Variants in ROBO1 observed in about 807,000 individuals in gnomAD.
ROBO1 encodes roundabout guidance receptor 1.
A neutral mutation model predicts 195.9 loss-of-function variants in ROBO1; 149 were observed. The observed-to-expected ratio is 0.76, with a 90% CI of 0.67 to 0.87. ROBO1 has a LOEUF of 0.87. ROBO1 is among the 40% of genes least tolerant of loss of function. The pLI, the probability that ROBO1 is intolerant of heterozygous loss-of-function variation, is 0.00. For synonymous variants in ROBO1, 816 were observed against 733.2 expected (o/e 1.11, Z -1.82); for missense variants, 1,933 against 2,068.3 (o/e 0.93, Z 1.27).
intron 3 of ROBO1, among the ~76,000 whole-genome samples, chr3:78,977,128 G>A (rs773978018): frequency 1.3e-5 from 2 of 152,096 alleles, no homozygotes; most frequent in Non-Finnish European, 2.9e-5. Flanking sequence ...CATTTAAGCA[G>A]AATATTTCCA....
intron 1 of ROBO1, among the ~76,000 whole-genome samples, chr3:79,590,241 A>C (rs1560019672): frequency 6.6e-6 from 1 of 151,930 alleles, no homozygotes; most frequent in South Asian, 2.1e-4. Flanking sequence ...ATGCCAGATA[A>C]GTGATTTTTG....
chr3:79,359,429 T>A (rs1029687438), intron 2 of ROBO1, among the ~76,000 whole-genome samples: 2 of 152,068 alleles, frequency 1.3e-5, no homozygotes, highest in Admixed American at 1.3e-4. Context: ...TTAATTCAAT[T>A]ACTGACAGAA....
chr3:78,657,296 A>C, intron 17 of ROBO1, 27 bp from the exon 18 acceptor site: 1 of 1,610,494 alleles, frequency 6.2e-7, no homozygotes, highest in East Asian at 2.2e-5. Context: ...ACAAAAATCA[A>C]GCTGGTAAAT....
At chr3:79,664,667 G>T (rs1024843699) in intron 1 of ROBO1, among the ~76,000 whole-genome samples, 3 of 152,098 alleles carry the variant, frequency 2.0e-5, no homozygotes, top group South Asian at 2.1e-4. Context: ...GAACAGAATT[G>T]CAGTAGAGAA....
At chr3:78,833,733 A>G (rs2032444435) in intron 4 of ROBO1, among the ~76,000 whole-genome samples, 1 of 152,232 alleles carries the variant, frequency 6.6e-6, no homozygotes, top group South Asian at 2.1e-4. Context: ...TGCTTATGGT[A>G]AATAAAGGTG....
chr3:79,317,979 C>G (rs998211347), intron 2 of ROBO1, among the ~76,000 whole-genome samples: 1 of 152,026 alleles, frequency 6.6e-6, no homozygotes, highest in African/African-American at 2.4e-5. Flanking sequence ...CGTAAACTAG[C>G]AAATCCAAAA....
At chr3:78,767,168 T>G (rs1226720155) in intron 4 of ROBO1, among the ~76,000 whole-genome samples, 1 of 152,182 alleles carries the variant, frequency 6.6e-6, no homozygotes, top group Non-Finnish European at 1.5e-5. Context: ...TTTTTCTGTC[T>G]TGTGGAATAG....
At chr3:79,264,408 T>A (rs549804670) in intron 2 of ROBO1, among the ~76,000 whole-genome samples, 1 of 152,020 alleles carries the variant, frequency 6.6e-6, no homozygotes, top group African/African-American at 2.4e-5. Context: ...TATCATGTTA[T>A]TTAATTTTCT....
intron 4 of ROBO1, among the ~76,000 whole-genome samples, chr3:78,937,169 C>G (rs1194714637): frequency 6.6e-6 from 1 of 151,860 alleles, no homozygotes; most frequent in African/African-American, 2.4e-5. Context: ...GGAGAGTGAT[C>G]AAGTCATTTA....
At chr3:78,720,928 A>G (rs1220822570) in intron 5 of ROBO1, among the ~76,000 whole-genome samples, 1 of 140,532 alleles carries the variant, frequency 7.1e-6, no homozygotes, top group Non-Finnish European at 1.5e-5. Context: ...GGAACATCAC[A>G]CACTGGGACC....
intron 2 of ROBO1, among the ~76,000 whole-genome samples, chr3:79,136,333 T>C (rs1368878387): frequency 1.3e-5 from 2 of 152,146 alleles, no homozygotes; most frequent in African/African-American, 2.4e-5. Flanking sequence ...TTATGTATAA[T>C]AAAAACATAA....
intron 2 of ROBO1, among the ~76,000 whole-genome samples, chr3:79,463,936 C>T (rs1457790621): frequency 6.6e-6 from 1 of 152,290 alleles, no homozygotes; most frequent in East Asian, 1.9e-4. Flanking sequence ...TGCTCATTCA[C>T]ATCCTTTCCC....
chr3:78,706,495 T>C (rs2107980733), intron 8 of ROBO1, among the ~76,000 whole-genome samples: 1 of 152,146 alleles, frequency 6.6e-6, no homozygotes, highest in East Asian at 1.9e-4. Context: ...TTAAAACTCT[T>C]TTTTAAAATT....
chr3:79,286,859 G>T (rs938569700), intron 2 of ROBO1, among the ~76,000 whole-genome samples: 1 of 152,028 alleles, frequency 6.6e-6, no homozygotes, highest in African/African-American at 2.4e-5. Flanking sequence ...TAATTACATG[G>T]TATATTATTT....
Position 79,246,863 on chromosome 3 carries a change from T to G in ROBO1, c.89-121324A>C, listed in dbSNP as rs999152978. Among the ~76,000 whole-genome samples, 4 of 152,080 alleles carry G rather than the reference T, an allele frequency of 2.6e-5. No homozygotes were observed. In the East Asian group the frequency reaches 7.7e-4, roughly 29 times the overall value. ...AGCCCTTCCATAAATTAAAGCTAAA[T>G]ATAAATATTTATTGGATGCCCACTG... On this transcript the variant is annotated intron_variant, in intron 2 of 30. Coordinates refer to ENST00000464233, the MANE Select transcript of ROBO1 (RefSeq NM_002941.4).
chr3:78,718,113 TAA>T (rs1362829558), intron 5 of ROBO1, among the ~76,000 whole-genome samples: 1 of 152,236 alleles, frequency 6.6e-6, no homozygotes, highest in Non-Finnish European at 1.5e-5. Flanking sequence ...ACATTTCATG[TAA>T]AGTTATATTC....
At chr3:79,039,134 A>G (rs972652002) in intron 3 of ROBO1, among the ~76,000 whole-genome samples, 1 of 152,224 alleles carries the variant, frequency 6.6e-6, no homozygotes, top group African/African-American at 2.4e-5. Flanking sequence ...CTGATGTTCT[A>G]TATCTTTCGG....
At chr3:78,739,118 A>G (rs1478638569) in intron 5 of ROBO1, among the ~76,000 whole-genome samples, 2 of 152,218 alleles carry the variant, frequency 1.3e-5, no homozygotes, top group East Asian at 3.8e-4. Context: ...AATTTGAAGC[A>G]TGAAAAGATG....
intron 4 of ROBO1, among the ~76,000 whole-genome samples, chr3:78,835,118 GT>G (rs2032594743): frequency 6.6e-6 from 1 of 152,082 alleles, no homozygotes; most frequent in East Asian, 1.9e-4. Flanking sequence ...TTGTCATCTA[GT>G]TTTTTCATTA....
Sources: gnomAD v4.1 joint callset for allele counts (sites outside exome capture counted in the v4.1 genomes callset) on GRCh38, gnomAD v4.1.1 for gene constraint, MANE v1.5 for transcripts, NCBI Gene and HGNC (gene_info 2026-07-23, HGNC 2026-07-21) for gene names.